The following INPP5A variants were observed in gnomAD, a reference collection of about 807,000 sequenced individuals.
INPP5A encodes the protein inositol polyphosphate-5-phosphatase A.
In INPP5A, 14 loss-of-function variants were observed where a neutral mutation model predicts 65.2. The ratio of observed to expected loss-of-function variants is 0.21; its 90% confidence interval spans 0.14 to 0.34. The LOEUF (loss-of-function observed/expected upper bound fraction) is 0.34, where lower values mean the gene tolerates loss of function less well. Among genes scored for constraint, INPP5A ranks in the 10% least tolerant of loss-of-function variants. INPP5A has a pLI of 1.00. For missense variants in INPP5A, 431 were observed against 545.6 expected (o/e 0.79, Z 2.09); for synonymous variants, 207 against 208.3 (o/e 0.99, Z 0.05).
rs1016951643 is a variant in INPP5A at position 132,675,483 on chromosome 10, G to A, written c.307-14909G>A. 6.6e-6 allele frequency among the ~76,000 whole-genome samples: 1 copy of A among 152,222 alleles called. No homozygotes were observed. The highest frequency in any genetic ancestry group is 2.4e-5 in the African/African-American group (1 of 41,438). On this transcript the variant is annotated intron_variant, in intron 4 of 15. Transcript: ENST00000368594. The surrounding 1 kb of genome is among the most constrained non-coding windows in gnomAD (Gnocchi z 4.2). ...GCAAATGGCCATGGGCATTGGTTGTGTAAACCGAGGCACCTCCTGCAGTGT... is the reference window on the plus strand; with the variant it reads ...GCAAATGGCCATGGGCATTGGTTGTATAAACCGAGGCACCTCCTGCAGTGT...
At chr10:132,688,779 C>T (rs546785704) in intron 4 of INPP5A, among the ~76,000 whole-genome samples, 164 of 149,712 alleles carry the variant, frequency 1.1e-3, no homozygotes, top group African/African-American at 3.8e-3. Context: ...CGAATGAGTT[C>T]GTGTGTGAGC....
intron 8 of INPP5A, among the ~76,000 whole-genome samples, chr10:132,716,418 C>T (rs571257459): frequency 7.9e-5 from 12 of 152,350 alleles, no homozygotes; most frequent in African/African-American, 2.6e-4. Context: ...CACATGTCAT[C>T]GCCTGTGACC....
At chr10:132,580,359 A>G (rs577897447) in intron 1 of INPP5A, among the ~76,000 whole-genome samples, 1 of 151,658 alleles carries the variant, frequency 6.6e-6, no homozygotes, top group South Asian at 2.1e-4. Context: ...CCCCTTTCAC[A>G]CTCTATCTCC....
intron 1 of INPP5A, among the ~76,000 whole-genome samples, chr10:132,576,513 A>G (rs372470979): frequency 6.6e-6 from 1 of 152,114 alleles, no homozygotes; most frequent in Non-Finnish European, 1.5e-5. Flanking sequence ...TGCAGCTGGG[A>G]GGGGTCCTCT....
At position 132,643,839 on chromosome 10, in the gene INPP5A, G is replaced by A. The variant is rs567397830; in HGVS notation, c.118-2029G>A. Among the ~76,000 whole-genome samples, 3 of 152,284 alleles carry A rather than the reference G, an allele frequency of 2.0e-5. No homozygotes were observed. In the South Asian group the frequency reaches 6.2e-4, roughly 32 times the overall value. ...TCCTGGCGCCCTGTGAGTGAGGAGA[G>A]TGCTGACATCGCCTCCCACTCACAG... On this transcript the variant is annotated intron_variant, in intron 2 of 15. Coordinates refer to ENST00000368594, the MANE Select transcript of INPP5A (RefSeq NM_005539.5).
chr10:132,594,649 ATG>A (rs2071661430), intron 1 of INPP5A, among the ~76,000 whole-genome samples: 1 of 150,960 alleles, frequency 6.6e-6, no homozygotes, highest in South Asian at 2.1e-4. Flanking sequence ...TGGTGCATGC[ATG>A]TGTGTGGGGT....
chr10:132,666,771 C>T (rs2072810370), intron 4 of INPP5A, among the ~76,000 whole-genome samples: 1 of 152,170 alleles, frequency 6.6e-6, no homozygotes, highest in Non-Finnish European at 1.5e-5. Flanking sequence ...TGCAGCTGTC[C>T]CCTTAAAGCG....
intron 1 of INPP5A, among the ~76,000 whole-genome samples, chr10:132,592,339 G>A (rs187478119): frequency 3.6e-4 from 55 of 152,310 alleles, no homozygotes; most frequent in Admixed American, 1.0e-3. Context: ...AACTATTCGG[G>A]GAAAGGTTTA....
chr10:132,564,535 G>A (rs1029944029), intron 1 of INPP5A, among the ~76,000 whole-genome samples: 1 of 152,154 alleles, frequency 6.6e-6, no homozygotes, highest in Admixed American at 6.5e-5. Context: ...ACTGTGAGTC[G>A]GTGGCCGTGA....
intron 1 of INPP5A, among the ~76,000 whole-genome samples, chr10:132,591,462 A>G (rs1228004483): frequency 7.2e-5 from 11 of 152,236 alleles, no homozygotes; most frequent in Admixed American, 7.2e-4. Flanking sequence ...CCCTGGAAAC[A>G]AGAGAGGTCT....
Position 132,646,439 on chromosome 10 carries a change from G to A in INPP5A, c.218+471G>A, listed in dbSNP as rs2072495867. Among the ~76,000 whole-genome samples the A allele has an allele frequency of 2.6e-5, 4 of 152,304 alleles. No homozygotes were observed. The South Asian group carries it at 8.3e-4, about 32-fold the overall frequency. The stretch of plus-strand genomic sequence containing the variant: ...TACATGCCCTGAGGCTTCTGACAGG[G>A]CCGGCCCAACTGGGTCCTGCCTGGG... On this transcript the variant is annotated intron_variant, in intron 3 of 15. Coordinates refer to ENST00000368594, the MANE Select transcript of INPP5A (RefSeq NM_005539.5).
chr10:132,695,914 C>G (rs534368287), intron 5 of INPP5A, among the ~76,000 whole-genome samples: 24 of 152,284 alleles, frequency 1.6e-4, no homozygotes, highest in African/African-American at 5.8e-4. Flanking sequence ...GTGCCCCCCA[C>G]CCCCAAATTC....
At chr10:132,614,382 G>T (rs748140130) in intron 2 of INPP5A, among the ~76,000 whole-genome samples, 31 of 152,146 alleles carry the variant, frequency 2.0e-4, no homozygotes, top group African/African-American at 6.5e-4. Flanking sequence ...CAGGAGAATC[G>T]CTTGAACCCA....
intron 6 of INPP5A, among the ~76,000 whole-genome samples, chr10:132,701,943 T>C (rs1469684157): frequency 6.6e-6 from 1 of 152,234 alleles, no homozygotes; most frequent in Non-Finnish European, 1.5e-5. Flanking sequence ...TCCTGAGTGC[T>C]GGTGGGGCCA....
chr10:132,586,943 G>A (rs768177031), intron 1 of INPP5A, among the ~76,000 whole-genome samples: 6 of 152,148 alleles, frequency 3.9e-5, no homozygotes, highest in Non-Finnish European at 7.3e-5. Context: ...AGTCGGAGTC[G>A]GAGCTGGAGC....
At chr10:132,625,047 C>T (rs1227353067) in intron 2 of INPP5A, among the ~76,000 whole-genome samples, 1 of 151,956 alleles carries the variant, frequency 6.6e-6, no homozygotes, top group Non-Finnish European at 1.5e-5. Context: ...GCAGGGCCTC[C>T]TGCTCCTGCC....
chr10:132,681,949 A>G (rs1373523957), intron 4 of INPP5A, among the ~76,000 whole-genome samples: 1 of 152,220 alleles, frequency 6.6e-6, no homozygotes, highest in African/African-American at 2.4e-5. Flanking sequence ...AAACACGAAC[A>G]TGGTATGATT....
chr10:132,671,131 G>C (rs1166350434), intron 4 of INPP5A, among the ~76,000 whole-genome samples: 1 of 152,094 alleles, frequency 6.6e-6, no homozygotes, highest in Non-Finnish European at 1.5e-5. Flanking sequence ...TCTGGAGTGA[G>C]GCATGGGCAT....
chr10:132,580,809 C>T (rs2071473456), intron 1 of INPP5A, among the ~76,000 whole-genome samples: 1 of 152,158 alleles, frequency 6.6e-6, no homozygotes, highest in South Asian at 2.1e-4. Context: ...GATGCATTTC[C>T]AGGTAAATTG....
Sources: gnomAD v4.1 joint callset for allele counts (sites outside exome capture counted in the v4.1 genomes callset) on GRCh38, gnomAD v4.1.1 for gene constraint, Gnocchi (gnomAD v3.1) non-coding constraint, MANE v1.5 for transcripts, NCBI Gene and HGNC (gene_info 2026-07-23, HGNC 2026-07-21) for gene names.